Variants in CNTN4 observed in about 807,000 individuals in gnomAD.
The protein encoded by CNTN4 is contactin 4.
Under a neutral mutation model 122.5 loss-of-function variants are expected in CNTN4, and 77 were observed. The observed-to-expected ratio is 0.63, with a 90% CI of 0.52 to 0.76. The LOEUF (loss-of-function observed/expected upper bound fraction) is 0.76. CNTN4 is among the 30% of genes least tolerant of loss of function. The pLI, the probability that CNTN4 is intolerant of heterozygous loss-of-function variation, is 0.00. For synonymous variants in CNTN4, 512 were observed against 447.0 expected (o/e 1.15, Z -1.83); for missense variants, 1,256 against 1,259.1 (o/e 1.00, Z 0.04).
chr3:2,218,965 G>A (rs1291820778), intron 2 of CNTN4, among the ~76,000 whole-genome samples: 1 of 152,204 alleles, frequency 6.6e-6, no homozygotes, highest in African/African-American at 2.4e-5. Flanking sequence ...TAGAGAGAAT[G>A]CCGGAGCTGA....
rs147139614 is a variant in CNTN4 at position 2,593,974 on chromosome 3, G to A, written c.55+22416G>A. 2.2e-3 allele frequency among the ~76,000 whole-genome samples: 329 copies of A among 152,244 alleles called. 2 individuals are homozygous for A. Among genetic ancestry groups the A allele is most frequent in the African/African-American group, 7.3e-3 (302 of 41,570 alleles). On this transcript the variant is annotated intron_variant, in intron 4 of 24. Transcript: ENST00000418658. ...TAACATTATTTTAACATAAATAGGTGTTTTCAGACAGTCTCATTATTTGTG... is the reference window on the plus strand; with the variant it reads ...TAACATTATTTTAACATAAATAGGTATTTTCAGACAGTCTCATTATTTGTG...
At chr3:2,891,785 A>T (rs1291870627) in intron 10 of CNTN4, among the ~76,000 whole-genome samples, 3 of 152,204 alleles carry the variant, frequency 2.0e-5, no homozygotes, top group East Asian at 1.9e-4. Flanking sequence ...TTTGGGTTTT[A>T]TTCTCTGAGT....
chr3:2,892,866 A>C (rs756557600), intron 10 of CNTN4, among the ~76,000 whole-genome samples: 5 of 152,258 alleles, frequency 3.3e-5, no homozygotes, highest in Non-Finnish European at 5.9e-5. Context: ...TAAGGAAAAT[A>C]AGATCCAGAG....
chr3:2,304,665 C>T lies in CNTN4; in HGVS notation c.-144-34513C>T, dbSNP rs140455915. On this transcript the variant is annotated intron_variant, in intron 2 of 24. Transcript: ENST00000418658. ...TATCACATTGTGTGAACTGACCCAA[C>T]AATAATGTGTCAGAAATACAGCATA... is the stretch of plus-strand genomic sequence containing the variant. 3.2e-3 allele frequency among the ~76,000 whole-genome samples: 491 copies of T among 151,894 alleles called. 3 individuals carry two copies. The highest frequency in any genetic ancestry group is 0.011 in the African/African-American group (473 of 41,446).
intron 2 of CNTN4, among the ~76,000 whole-genome samples, chr3:2,211,430 A>G (rs1280923554): frequency 6.6e-6 from 1 of 152,022 alleles, no homozygotes; most frequent in Non-Finnish European, 1.5e-5. Context: ...TTCAGAGCAA[A>G]CTTTTCCTAC....
chr3:2,436,180 T>C (rs1162199557), intron 3 of CNTN4, among the ~76,000 whole-genome samples: 1 of 152,180 alleles, frequency 6.6e-6, no homozygotes, highest in East Asian at 1.9e-4. Context: ...ACATTTTTAT[T>C]GAGTGCATAC....
chr3:2,943,651 G>C (rs1420297069), intron 13 of CNTN4, among the ~76,000 whole-genome samples: 1 of 141,014 alleles, frequency 7.1e-6, no homozygotes, highest in Non-Finnish European at 1.5e-5. Flanking sequence ...TTGAGACGGA[G>C]TCTTGCTCTG....
intron 2 of CNTN4, among the ~76,000 whole-genome samples, chr3:2,122,326 G>T (rs186557516): frequency 2.6e-5 from 4 of 151,768 alleles, no homozygotes; most frequent in Non-Finnish European, 5.9e-5. Flanking sequence ...GATCTTTATT[G>T]TTATATGGGC....
chr3:2,608,209 CTCCAAGT>C (rs1170597023), intron 4 of CNTN4, among the ~76,000 whole-genome samples: 1 of 152,184 alleles, frequency 6.6e-6, no homozygotes, highest in African/African-American at 2.4e-5. Flanking sequence ...AACATGTGTG[CTCCAAGT>C]TGGAGAAATC....
intron 3 of CNTN4, among the ~76,000 whole-genome samples, chr3:2,432,252 T>C (rs148421457): frequency 6.6e-6 from 1 of 152,234 alleles, no homozygotes; most frequent in Non-Finnish European, 1.5e-5. Context: ...CTTCCATCAC[T>C]GTGCTTATGC....
chr3:2,777,978 G>A (rs1188343164), intron 6 of CNTN4, among the ~76,000 whole-genome samples: 4 of 151,986 alleles, frequency 2.6e-5, no homozygotes, highest in Non-Finnish European at 5.9e-5. Context: ...ACTTTGGGAG[G>A]CCGAGGTGGG....
At chr3:2,917,177 T>C (rs2094373815) in intron 12 of CNTN4, among the ~76,000 whole-genome samples, 1 of 149,748 alleles carries the variant, frequency 6.7e-6, no homozygotes, top group South Asian at 2.1e-4. Flanking sequence ...GGCGCGCGCC[T>C]GCAATCGCAG....
intron 13 of CNTN4, among the ~76,000 whole-genome samples, chr3:2,926,894 C>T (rs1026913260): frequency 7.2e-5 from 11 of 152,140 alleles, no homozygotes; most frequent in African/African-American, 2.7e-4. Context: ...TGAATGTTGA[C>T]ATGGCATTCA....
intron 14 of CNTN4, among the ~76,000 whole-genome samples, chr3:3,000,872 CTT>C (rs1695962495): frequency 7.7e-6 from 1 of 129,980 alleles, no homozygotes; most frequent in Admixed American, 7.5e-5. Flanking sequence ...TAGAGTCTTT[CTT>C]TCTTTCTTTT....
chr3:2,568,184 G>A (rs548172169), intron 3 of CNTN4, among the ~76,000 whole-genome samples: 1 of 152,022 alleles, frequency 6.6e-6, no homozygotes. Flanking sequence ...GTAGATTCTT[G>A]GAAACCAGGA....
At chr3:2,576,768 G>C (rs150458379) in intron 4 of CNTN4, among the ~76,000 whole-genome samples, 1 of 152,028 alleles carries the variant, frequency 6.6e-6, no homozygotes, top group Non-Finnish European at 1.5e-5. Context: ...GGCTGGTCTC[G>C]AACTCTTAAC....
At chr3:2,791,455 C>T (rs933702814) in intron 6 of CNTN4, among the ~76,000 whole-genome samples, 7 of 151,812 alleles carry the variant, frequency 4.6e-5, no homozygotes, top group African/African-American at 1.7e-4. Flanking sequence ...ATCACCTGAG[C>T]CCAGGAGGTT....
chr3:2,638,213 A>T (rs1433287804), intron 4 of CNTN4, among the ~76,000 whole-genome samples: 1 of 152,090 alleles, frequency 6.6e-6, no homozygotes, highest in Non-Finnish European at 1.5e-5. Flanking sequence ...CAGATTCATG[A>T]CCCTGTGCAG....
At chr3:2,936,484 T>G (rs2094568253) in intron 13 of CNTN4, among the ~76,000 whole-genome samples, 1 of 152,220 alleles carries the variant, frequency 6.6e-6, no homozygotes, top group African/African-American at 2.4e-5. Flanking sequence ...TCCCATTGAC[T>G]TCAGGATAGA....
Sources: gnomAD v4.1 joint callset for allele counts (sites outside exome capture counted in the v4.1 genomes callset) on GRCh38, gnomAD v4.1.1 for gene constraint, MANE v1.5 for transcripts, NCBI Gene and HGNC (gene_info 2026-07-23, HGNC 2026-07-21) for gene names.